ARHGEF26: variants seen among roughly 807,000 people sequenced by gnomAD.
ARHGEF26 encodes Rho guanine nucleotide exchange factor 26, also known as Rho guanine nucleotide exchange factor (GEF) 26.
A neutral mutation model predicts 89.4 loss-of-function variants in ARHGEF26; 59 were observed. The ratio of observed to expected loss-of-function variants is 0.66; its 90% CI spans 0.54 to 0.82. The LOEUF is 0.82. ARHGEF26 is among the 40% of genes least tolerant of loss of function. The pLI is 0.00. For missense variants in ARHGEF26, 1,234 were observed against 1,085.6 expected (o/e 1.14, Z -1.92); for synonymous variants, 500 against 428.4 (o/e 1.17, Z -2.06).
chr3:154,153,794 TC>T lies in ARHGEF26; in HGVS notation c.1487+863del, dbSNP rs142986612. Among the ~76,000 whole-genome samples the T allele has an allele frequency of 8.8e-3, 1,341 of 152,194 alleles. 8 individuals are homozygous for T. The highest frequency in any genetic ancestry group is 0.015 in the Non-Finnish European group (1,010 of 67,954). Reference sequence around the variant, plus strand: ...GAAAATACATGTATATATATATTTTTCTTGTTTTTACTTAAATGTTACCATA... The same window carrying T: ...GAAAATACATGTATATATATATTTTTTTGTTTTTACTTAAATGTTACCATA... On this transcript the variant is annotated intron_variant, in intron 6 of 14. Transcript: ENST00000465093.
At chr3:154,144,307 T>C (rs115614081) in intron 4 of ARHGEF26, among the ~76,000 whole-genome samples, 1,940 of 152,320 alleles carry the variant, frequency 0.013, 35 homozygotes, top group African/African-American at 0.045. Flanking sequence ...AACTTTTCTG[T>C]GTCTCCGTTC....
At chr3:154,145,901 C>A (rs960169580) in intron 4 of ARHGEF26, among the ~76,000 whole-genome samples, 1 of 152,128 alleles carries the variant, frequency 6.6e-6, no homozygotes, top group Non-Finnish European at 1.5e-5. Flanking sequence ...AAATATTACA[C>A]AAAGTTTATA....
intron 6 of ARHGEF26, among the ~76,000 whole-genome samples, chr3:154,182,893 G>C (rs1004948853): frequency 6.6e-6 from 1 of 152,094 alleles, no homozygotes; most frequent in Non-Finnish European, 1.5e-5. Flanking sequence ...CAAAAATGTA[G>C]TGCCACATTT....
intron 12 of ARHGEF26, among the ~76,000 whole-genome samples, 195 bp downstream of exon 12, chr3:154,240,774 ATGT>A (rs903245437): frequency 2.0e-5 from 3 of 152,192 alleles, no homozygotes; most frequent in African/African-American, 7.2e-5. Flanking sequence ...CAGGAGAAGG[ATGT>A]TGTTATTTTT....
intron 8 of ARHGEF26, 27 bp downstream of exon 8, chr3:154,191,445 C>T (rs1559888525): frequency 1.3e-6 from 2 of 1,595,640 alleles, no homozygotes; most frequent in Non-Finnish European, 1.7e-6. Context: ...GCTTTTTCCT[C>T]TGTGGATAGC....
chr3:154,218,301 A>G (rs1407010815), intron 10 of ARHGEF26, among the ~76,000 whole-genome samples: 7 of 152,238 alleles, frequency 4.6e-5, no homozygotes, highest in Non-Finnish European at 1.0e-4. Context: ...ATGTTCTGAA[A>G]AACAGTAATA....
At position 154,157,962 on chromosome 3, in the gene ARHGEF26, A is replaced by G. The variant is rs186449387; in HGVS notation, c.1487+5030A>G. 2.6e-3 allele frequency among the ~76,000 whole-genome samples: 391 copies of G among 152,274 alleles called. 2 individuals carry two copies. Among genetic ancestry groups the G allele is most frequent in the African/African-American group, 9.0e-3 (375 of 41,558 alleles). On this transcript the variant is annotated intron_variant, in intron 6 of 14. Coordinates refer to ENST00000465093, the MANE Select transcript of ARHGEF26 (RefSeq NM_015595.4). ...TTTAAGTTTAAATGAGATAACTACAACTTGTAGCAGTGGTTTGTAAGCAGT... is the reference window on the plus strand; with the variant it reads ...TTTAAGTTTAAATGAGATAACTACAGCTTGTAGCAGTGGTTTGTAAGCAGT...
chr3:154,248,782 G>A (rs1324146085), intron 12 of ARHGEF26, among the ~76,000 whole-genome samples: 1 of 152,160 alleles, frequency 6.6e-6, no homozygotes, highest in Non-Finnish European at 1.5e-5. Flanking sequence ...CTCTTAGTGG[G>A]CTAGGGATAT....
chr3:154,244,663 T>C (rs1407657097), intron 12 of ARHGEF26, among the ~76,000 whole-genome samples: 2 of 151,876 alleles, frequency 1.3e-5, no homozygotes, highest in Non-Finnish European at 1.5e-5. Flanking sequence ...AATTATAATA[T>C]TACATAAAAC....
At chr3:154,223,703 A>G (rs1716284090) in intron 10 of ARHGEF26, among the ~76,000 whole-genome samples, 1 of 152,178 alleles carries the variant, frequency 6.6e-6, no homozygotes, top group East Asian at 1.9e-4. Flanking sequence ...AGAGTGGCAG[A>G]TGACTGCTCA....
At chr3:154,128,894 T>C (rs565514527) in intron 3 of ARHGEF26, among the ~76,000 whole-genome samples, 11 of 152,340 alleles carry the variant, frequency 7.2e-5, no homozygotes, top group Admixed American at 2.0e-4. Flanking sequence ...ATGACACTTA[T>C]CAGCATCAAA....
At chr3:154,125,047 AT>A (rs1288455787) in intron 3 of ARHGEF26, among the ~76,000 whole-genome samples, 2 of 151,488 alleles carry the variant, frequency 1.3e-5, no homozygotes, top group African/African-American at 4.9e-5. Flanking sequence ...TTTTAAATAG[AT>A]GGGTCAAGCG....
chr3:154,176,523 A>G (rs1409175731), intron 6 of ARHGEF26, among the ~76,000 whole-genome samples: 1 of 152,160 alleles, frequency 6.6e-6, no homozygotes. Context: ...CATCCTTCAC[A>G]AGCAATGAAA....
At position 154,255,404 on chromosome 3, in the gene ARHGEF26, A is replaced by G; in HGVS notation, c.2547A>G (p.Thr849=). 1 of 1,613,736 alleles carries G rather than the reference A, an allele frequency of 6.2e-7. No homozygotes were observed. Among genetic ancestry groups the G allele is most frequent in the African/African-American group, 1.3e-5 (1 of 74,970 alleles). ...CTATGGAATGTGCCAAGGAGATAAC[A>G]TGTCAAGCTACAATTGATAAGAATG... ...WFPMECAKEI[T]CQATIDKNVE... The change falls in exon 15 of 15, where the codon ACA becomes ACG. Residue 849 remains threonine (T), a synonymous_variant. Coordinates refer to ENST00000465093, the MANE Select transcript of ARHGEF26 (RefSeq NM_015595.4).
intron 6 of ARHGEF26, among the ~76,000 whole-genome samples, chr3:154,153,302 C>T (rs566478758): frequency 1.2e-4 from 19 of 152,016 alleles, no homozygotes; most frequent in South Asian, 4.2e-4. Context: ...TATCTGGCTA[C>T]GATTTAATAA....
chr3:154,187,490 T>C (rs1250014809), intron 6 of ARHGEF26, among the ~76,000 whole-genome samples, 195 bp from the exon 7 acceptor site: 2 of 151,172 alleles, frequency 1.3e-5, no homozygotes, highest in African/African-American at 2.4e-5. Context: ...GCCACAATGC[T>C]CATCCTCAAG....
Position 154,217,896 on chromosome 3 carries a change from C to A in ARHGEF26, c.1873C>A (p.Arg625=), listed in dbSNP as rs766974682. The A allele has an allele frequency of 6.2e-7, 1 of 1,602,490 alleles. No individual in the cohort carries two copies. The highest frequency in any genetic ancestry group is 8.5e-7 in the Non-Finnish European group (1 of 1,174,354). Residue 625 remains arginine (R), a synonymous_variant, in exon 10 of 15, where the codon CGG becomes AGG. Coordinates refer to ENST00000465093, the MANE Select transcript of ARHGEF26 (RefSeq NM_015595.4). ...GGTTCGACTATGCAATGAGGGCGCCCGGAAGATGGAAAGGACTGAGATGAT... is the reference window on the plus strand; with the variant it reads ...GGTTCGACTATGCAATGAGGGCGCCAGGAAGATGGAAAGGACTGAGATGAT... ...KLVRLCNEGA[R]KMERTEMMYT...
In ARHGEF26 at chr3:154,157,661, A is replaced by G. The variant is rs1576715387; in HGVS notation, c.1487+4729A>G. 2.6e-5 allele frequency among the ~76,000 whole-genome samples: 4 copies of G among 151,950 alleles called. No homozygotes were observed. In the East Asian group the frequency reaches 7.8e-4, roughly 30 times the overall value. On this transcript the variant is annotated intron_variant, in intron 6 of 14. Transcript: ENST00000465093. ...ATATTGAGAGATATTTAGAATATGG[A>G]CTCTTGAGGACTTGCTGAAAAGGCG...
Position 154,256,014 on chromosome 3 carries a change from T to C in ARHGEF26, c.*541T>C, listed in dbSNP as rs927395626. 46 of 985,796 alleles carry C rather than the reference T, an allele frequency of 4.7e-5. No individual in the cohort carries two copies. Among genetic ancestry groups the C allele is most frequent in the Middle Eastern group, 5.2e-4 (1 of 1,936 alleles). The allele number at this position is 985,796 out of a possible 1,614,324, so 61.1% of individuals were successfully genotyped here. A position where few individuals can be genotyped will look rare whatever the true frequency, so the allele number is the denominator to read the frequency against. On this transcript the variant is annotated 3_prime_UTR_variant, in exon 15 of 15. Coordinates refer to ENST00000465093, the MANE Select transcript of ARHGEF26 (RefSeq NM_015595.4). ...TTCAGAAGGTGAGCTGTTGTTTTTC[T>C]AAACCTCTTCCCAGGAAGGGGACAT... is the stretch of plus-strand genomic sequence containing the variant.
Sources: gnomAD v4.1 joint callset for allele counts (sites outside exome capture counted in the v4.1 genomes callset) on GRCh38, gnomAD v4.1.1 for gene constraint, MANE v1.5 for transcripts, NCBI Gene and HGNC (gene_info 2026-07-23, HGNC 2026-07-21) for gene names.